Variants in UGT1A5 observed in about 807,000 individuals in gnomAD.
UGT1A5 encodes the protein UDP-glucuronosyltransferase 1A5.
UGT1A5 carries 29 observed loss-of-function variants against 40.3 expected under a neutral mutation model. That is an observed-to-expected ratio of 0.72 (90% CI 0.54 to 0.98). The LOEUF is 0.98. Ranked by LOEUF, UGT1A5 falls within the 50% of genes least tolerant of loss-of-function variation. The pLI, the probability that UGT1A5 is intolerant of heterozygous loss-of-function variation, is 0.00. For missense variants in UGT1A5, 678 were observed against 677.9 expected (o/e 1.00, Z 0.00); for synonymous variants, 257 against 262.5 (o/e 0.98, Z 0.20).
At position 233,769,722 on chromosome 2, in the gene UGT1A5, G is replaced by A. The variant is rs906143757; in HGVS notation, c.1307+1283G>A. ...AGATCAATGTTGGCTAGGCACCATG[G>A]CACACGCCTGTAGTCCCAGCCACTC... On this transcript the variant is annotated intron_variant, in intron 4 of 4. Coordinates refer to ENST00000373414, the MANE Select transcript of UGT1A5 (RefSeq NM_019078.2). The surrounding 1 kb of genome is among the most constrained non-coding windows in gnomAD (Gnocchi z 4.4). 8 of 1,484,822 alleles carry A rather than the reference G, an allele frequency of 5.4e-6. No individual in the cohort carries two copies. Among genetic ancestry groups the A allele is most frequent in the East Asian group, 5.0e-5 (2 of 40,322 alleles). 92.0% of individuals were successfully genotyped at this position (1,484,822 alleles called of 1,614,324 possible).
At chr2:233,761,418 C>T (rs1559408324) in intron 1 of UGT1A5, among the ~76,000 whole-genome samples, 1 of 152,184 alleles carries the variant, frequency 6.6e-6, no homozygotes, top group Admixed American at 6.5e-5. Context: ...AAACAACAAG[C>T]TGTTAAATGC....
chr2:233,740,036 G>C (rs901292924), intron 1 of UGT1A5, among the ~76,000 whole-genome samples: 3 of 151,764 alleles, frequency 2.0e-5, no homozygotes, highest in Admixed American at 2.0e-4. Context: ...GGTTTTATAA[G>C]GGACTCTTTC....
In UGT1A5 at chr2:233,713,126, G is replaced by A; in HGVS notation, c.135G>A (p.Arg45=). 6.2e-7 allele frequency: 1 copy of A among 1,614,234 alleles called. No individual in the cohort carries two copies. ...PTDGSHWLSM[R]EALRDLHARG... Reference sequence around the variant, plus strand: ...ATGGCAGCCACTGGCTCAGCATGCGGGAGGCCTTGCGGGACCTCCATGCGA... The same window carrying A: ...ATGGCAGCCACTGGCTCAGCATGCGAGAGGCCTTGCGGGACCTCCATGCGA... Residue 45 remains arginine (R), a synonymous_variant, in exon 1 of 5, where the codon CGG becomes CGA. Transcript: ENST00000373414.
intron 1 of UGT1A5, chr2:233,754,910 C>G: frequency 7.4e-7 from 1 of 1,353,942 alleles, no homozygotes; most frequent in South Asian, 1.1e-5. Flanking sequence ...CCAAAATATT[C>G]TCCAGCGGGT....
chr2:233,744,892 C>A (rs28900378), intron 1 of UGT1A5, among the ~76,000 whole-genome samples: 2 of 151,832 alleles, frequency 1.3e-5, no homozygotes, highest in Non-Finnish European at 2.9e-5. Flanking sequence ...ACCCTCCTCT[C>A]CATACCAAAA....
chr2:233,740,013 C>A (rs28899769), intron 1 of UGT1A5, among the ~76,000 whole-genome samples: 1 of 151,838 alleles, frequency 6.6e-6, no homozygotes, highest in African/African-American at 2.4e-5. Context: ...AGTGAGTTCT[C>A]ATGAGAGCTG....
intron 1 of UGT1A5, among the ~76,000 whole-genome samples, chr2:233,757,539 T>TATATAC (rs762018928): frequency 5.2e-5 from 6 of 115,748 alleles, no homozygotes; most frequent in African/African-American, 1.5e-4. Flanking sequence ...GTAAGGAATA[T>TATATAC]ATATATATAT....
chr2:233,757,842 T>G (rs904843638), intron 1 of UGT1A5, among the ~76,000 whole-genome samples: 1 of 151,920 alleles, frequency 6.6e-6, no homozygotes, highest in Non-Finnish European at 1.5e-5. Context: ...GCCTACTAAC[T>G]TATGTCTTCA....
intron 1 of UGT1A5, chr2:233,755,107 C>A (rs952341644): frequency 1.5e-6 from 2 of 1,333,188 alleles, no homozygotes; most frequent in Non-Finnish European, 2.0e-6. Context: ...TCCGACAACA[C>A]CTCGTAGGCC....
chr2:233,751,463 C>T lies in UGT1A5; in HGVS notation c.868-15571C>T, dbSNP rs191766530. ...ACTTTGGAAGATTGTTGGGAAGGCA[C>T]GATTGGTTTTGAAATGTGAAAAGAC... On this transcript the variant is annotated intron_variant, in intron 1 of 4. Transcript: ENST00000373414. Among the ~76,000 whole-genome samples, 221 of 152,178 alleles carry T rather than the reference C, an allele frequency of 1.5e-3. 1 individual carries two copies. Among genetic ancestry groups the T allele is most frequent in the African/African-American group, 4.9e-3 (203 of 41,476 alleles).
intron 1 of UGT1A5, chr2:233,743,508 C>T (rs750114193): frequency 5.1e-6 from 7 of 1,367,284 alleles, no homozygotes; most frequent in East Asian, 9.1e-5. Context: ...GGGGTGCAGA[C>T]GCTCTGCTTC....
chr2:233,730,701 T>C (rs948528383), intron 1 of UGT1A5, among the ~76,000 whole-genome samples: 9 of 152,052 alleles, frequency 5.9e-5, no homozygotes, highest in African/African-American at 2.2e-4. Flanking sequence ...ATTCTTCTAC[T>C]TGGAATGCTG....
At position 233,713,326 on chromosome 2, in the gene UGT1A5, G is replaced by C. The variant is rs17864695; in HGVS notation, c.335G>C (p.Arg112Thr). The C allele has an allele frequency of 3.7e-6, 6 of 1,614,218 alleles. No homozygotes were observed. Among genetic ancestry groups the C allele is most frequent in the Non-Finnish European group, 5.1e-6 (6 of 1,180,034 alleles). The part of the protein sequence containing the change: ...ETEHLLMKFS[R>T]RMAIMNNMSL... ...GAACATCTTCTGATGAAATTTTCTA[G>C]AAGAATGGCAATTATGAACAATATG... The change falls in exon 1 of 5, where the codon AGA (arginine) becomes ACA (threonine). Residue 112 changes from arginine (R) to threonine (T), a missense_variant. Coordinates refer to ENST00000373414, the MANE Select transcript of UGT1A5 (RefSeq NM_019078.2).
intron 1 of UGT1A5, chr2:233,729,968 G>A (rs201755757): frequency 2.4e-5 from 39 of 1,613,890 alleles, no homozygotes; most frequent in Non-Finnish European, 7.6e-6. Context: ...GGCATCAACT[G>A]TGCCAACAGG....
chr2:233,760,363 C>A lies in UGT1A5; in HGVS notation c.868-6671C>A, dbSNP rs1400895192. On this transcript the variant is annotated intron_variant, in intron 1 of 4. Transcript: ENST00000373414. ...GTGTGTGCTGGGCCCAGTGGTGTCC[C>A]ATGCTGGGAAGATACTGTTGATCCC... is the stretch of plus-strand genomic sequence containing the variant. 5.0e-6 allele frequency: 8 copies of A among 1,614,118 alleles called. No homozygotes were observed. In the East Asian group the frequency reaches 1.8e-4, roughly 36 times the overall value.
At chr2:233,760,414 AT>A in intron 1 of UGT1A5, 1 of 1,614,212 alleles carries the variant, frequency 6.2e-7, no homozygotes, top group Non-Finnish European at 8.5e-7. Flanking sequence ...CTGGCTGAGC[AT>A]GCTTGGGGCC....
chr2:233,743,797 C>T (rs1382716558), intron 1 of UGT1A5: 8 of 1,367,342 alleles, frequency 5.9e-6, no homozygotes, highest in Non-Finnish European at 7.8e-6. Flanking sequence ...TCTCCGCTTC[C>T]TCCTTGTTCT....
chr2:233,760,700 C>T, intron 1 of UGT1A5: 4 of 1,614,194 alleles, frequency 2.5e-6, no homozygotes, highest in Non-Finnish European at 3.4e-6. Context: ...GAGCTCATGG[C>T]CTCCCTGGCA....
chr2:233,728,807 A>T (rs2077752310), intron 1 of UGT1A5, among the ~76,000 whole-genome samples: 1 of 152,228 alleles, frequency 6.6e-6, no homozygotes, highest in Non-Finnish European at 1.5e-5. Flanking sequence ...AGTAGGAGAC[A>T]GTGACATGAA....
Sources: allele counts gnomAD v4.1 joint callset (sites outside exome capture counted in the v4.1 genomes callset), GRCh38; gene constraint gnomAD v4.1.1; non-coding constraint Gnocchi (gnomAD v3.1); transcripts MANE v1.5; gene names NCBI Gene and HGNC (gene_info 2026-07-23, HGNC 2026-07-21).